FBXO25: variants seen among roughly 807,000 people sequenced by gnomAD.
FBXO25 encodes F-box protein 25.
FBXO25 carries 45 observed loss-of-function variants against 51.9 expected under a neutral mutation model. The observed-to-expected ratio is 0.87, with a 90% CI of 0.68 to 1.11. FBXO25 has a LOEUF of 1.11. Among genes scored for constraint, FBXO25 ranks in the 50% most tolerant of loss-of-function variants. The pLI is 0.00. For synonymous variants in FBXO25, 199 were observed against 151.0 expected (o/e 1.32, Z -2.33); for missense variants, 507 against 428.5 (o/e 1.18, Z -1.62).
At chr8:453,545 CTCAG>C (rs987077387) in intron 7 of FBXO25, among the ~76,000 whole-genome samples, 1 of 152,268 alleles carries the variant, frequency 6.6e-6, no homozygotes, top group East Asian at 1.9e-4. Context: ...AGATGCCGGA[CTCAG>C]TCAGCCAAAT....
rs1479390473 is a variant in FBXO25, at chr8:458,515, G to A, written c.807G>A (p.Trp269Ter). 1 of 1,614,174 alleles carries A rather than the reference G, an allele frequency of 6.2e-7. No homozygotes were observed. Among genetic ancestry groups the A allele is most frequent in the Admixed American group, 1.7e-5 (1 of 60,020 alleles). The change falls in exon 8 of 10, where the codon TGG (tryptophan) becomes TGA (stop). Residue 269 changes from tryptophan to a stop codon, truncating the protein, a stop_gained. Transcript: ENST00000350302. LOFTEE classifies it high-confidence loss of function. ...TGCTTAGTGAAGACAGACAGCTGTGGAAGAAGCTTTGTCAGTACCATTTTG... is the reference window on the plus strand; with the variant it reads ...TGCTTAGTGAAGACAGACAGCTGTGAAAGAAGCTTTGTCAGTACCATTTTG... ...LYMLSEDRQL[W>*]KKLCQYHFAE...
intron 2 of FBXO25, among the ~76,000 whole-genome samples, chr8:428,161 C>T (rs955039879): frequency 6.6e-6 from 1 of 152,010 alleles, no homozygotes; most frequent in African/African-American, 2.4e-5. Context: ...TCTTCCTTTT[C>T]TTGAATGGAA....
chr8:416,309 A>C (rs1248893615), intron 2 of FBXO25, among the ~76,000 whole-genome samples: 1 of 152,224 alleles, frequency 6.6e-6, no homozygotes, highest in Non-Finnish European at 1.5e-5. Context: ...TTTTCAAAAC[A>C]ACCGGATCTC....
At position 473,443 on chromosome 8, in the gene FBXO25, G is replaced by A. The variant is rs145159081; in HGVS notation, c.*4639G>A. On this transcript the variant is annotated 3_prime_UTR_variant, in exon 10 of 10. Transcript: ENST00000350302. The stretch of plus-strand genomic sequence containing the variant: ...CGCCCTCAGCATCTGTGAGATGAAG[G>A]AGTTGCTCCCCAGGGCACCTGCCCC... The A allele has an allele frequency of 6.6e-6, 1 of 152,318 alleles. No homozygotes were observed. The highest frequency in any genetic ancestry group is 1.9e-4 in the East Asian group (1 of 5,200). The allele number at this position is 152,318 out of a possible 1,614,324, so 9.4% of individuals were successfully genotyped here.
rs199702949 is a variant in FBXO25, at chr8:476,827, C to A, written c.*8023C>A. The A allele has an allele frequency of 7.0e-5, 7 of 99,840 alleles. No individual in the cohort carries two copies. Among genetic ancestry groups the A allele is most frequent in the African/African-American group, 3.2e-4 (5 of 15,432 alleles). The allele number at this position is 99,840 out of a possible 1,614,324, so 6.2% of individuals were successfully genotyped here. ...CTCTAATCTTTATTATTATTATAAT[C>A]ATCTCCATTCTGCTGGCTTTGGGTT... On this transcript the variant is annotated 3_prime_UTR_variant, in exon 10 of 10. Coordinates refer to ENST00000350302, the MANE Select transcript of FBXO25 (RefSeq NM_183420.2).
In FBXO25 at chr8:422,666, A is replaced by G. The variant is rs112476954; in HGVS notation, c.135-8675A>G. 2.0e-3 allele frequency among the ~76,000 whole-genome samples: 307 copies of G among 152,308 alleles called. 4 individuals are homozygous for G. The highest frequency in any genetic ancestry group is 7.0e-3 in the African/African-American group (289 of 41,562). On this transcript the variant is annotated intron_variant, in intron 2 of 9. Transcript: ENST00000350302. ...CTTGTGCAAGTCTAAAATCACCTTT[A>G]AAAGTCTTTTTAAGTCATCATTAAG... is the stretch of plus-strand genomic sequence containing the variant.
At position 470,502 on chromosome 8, in the gene FBXO25, C is replaced by T. The variant is rs1210762064; in HGVS notation, c.*1698C>T. The T allele has an allele frequency of 6.6e-6, 1 of 151,912 alleles. No homozygotes were observed. Among genetic ancestry groups the T allele is most frequent in the African/African-American group, 2.4e-5 (1 of 41,342 alleles). The allele number at this position is 151,912 out of a possible 1,614,324, so 9.4% of individuals were successfully genotyped here. On this transcript the variant is annotated 3_prime_UTR_variant, in exon 10 of 10. Coordinates refer to ENST00000350302, the MANE Select transcript of FBXO25 (RefSeq NM_183420.2). ...TCCAGTGATCCTCCCACCTCAGCCT[C>T]CCAAGCAGTCAGGACCACAGGCATA...
At chr8:439,306 G>C (rs1468983471) in intron 5 of FBXO25, among the ~76,000 whole-genome samples, 1 of 152,216 alleles carries the variant, frequency 6.6e-6, no homozygotes, top group Non-Finnish European at 1.5e-5. Context: ...AGGCTTGGGA[G>C]GTCCATGCAG....
intron 5 of FBXO25, among the ~76,000 whole-genome samples, chr8:449,075 G>A (rs1798911625): frequency 6.8e-6 from 1 of 146,410 alleles, no homozygotes; most frequent in African/African-American, 2.5e-5. Context: ...ATAACCTGAA[G>A]GCTGGTAAAA....
At chr8:462,469 TTAAC>T (rs1799876922) in intron 8 of FBXO25, among the ~76,000 whole-genome samples, 1 of 152,240 alleles carries the variant, frequency 6.6e-6, no homozygotes. Flanking sequence ...TTAAGTCTGT[TTAAC>T]AGCTGCTTGG....
intron 2 of FBXO25, among the ~76,000 whole-genome samples, chr8:419,810 G>T (rs1797040875): frequency 6.6e-6 from 1 of 152,006 alleles, no homozygotes; most frequent in Non-Finnish European, 1.5e-5. Context: ...TCTATAATTT[G>T]CATTTTATCA....
Position 459,439 on chromosome 8 carries a change from T to A in FBXO25, c.843+888T>A, listed in dbSNP as rs561584754. On this transcript the variant is annotated intron_variant, in intron 8 of 9. Coordinates refer to ENST00000350302, the MANE Select transcript of FBXO25 (RefSeq NM_183420.2). ...AAGCACGGCAGAGGCCGAGCTACACTAAGAATCCTTGTCTGTGTCCTGTGA... is the reference window on the plus strand; with the variant it reads ...AAGCACGGCAGAGGCCGAGCTACACAAAGAATCCTTGTCTGTGTCCTGTGA... Among the ~76,000 whole-genome samples the A allele has an allele frequency of 3.3e-5, 5 of 152,324 alleles. No individual in the cohort carries two copies. The East Asian group carries it at 5.8e-4, about 18-fold the overall frequency.
At position 453,803 on chromosome 8, in the gene FBXO25, T is replaced by C. The variant is rs376226135; in HGVS notation, c.660+2350T>C. Among the ~76,000 whole-genome samples, 4 of 152,266 alleles carry C rather than the reference T, an allele frequency of 2.6e-5. No individual in the cohort carries two copies. In the South Asian group the frequency reaches 6.2e-4, roughly 24 times the overall value. On this transcript the variant is annotated intron_variant, in intron 7 of 9. Coordinates refer to ENST00000350302, the MANE Select transcript of FBXO25 (RefSeq NM_183420.2). ...CAGTGAGCTGACAGTTGTCTTTGTC[T>C]TCTAGATTATCCCAACAAGAAATAC...
intron 2 of FBXO25, among the ~76,000 whole-genome samples, chr8:419,352 A>G (rs1797014337): frequency 6.6e-6 from 1 of 152,178 alleles, no homozygotes; most frequent in Admixed American, 6.5e-5. Context: ...CTGGGCAACA[A>G]GAGCAAAACT....
At chr8:419,979 C>T (rs1403085651) in intron 2 of FBXO25, among the ~76,000 whole-genome samples, 1 of 152,126 alleles carries the variant, frequency 6.6e-6, no homozygotes, top group South Asian at 2.1e-4. Flanking sequence ...CTTCACCAAA[C>T]AACTTGCATG....
intron 5 of FBXO25, among the ~76,000 whole-genome samples, chr8:445,735 G>C (rs7008517): frequency 0.017 from 2,546 of 152,254 alleles, 63 homozygotes; most frequent in African/African-American, 0.059. Flanking sequence ...ACCGGGCATG[G>C]TGGCATGCAC....
intron 6 of FBXO25, 45 bp from the exon 7 acceptor site, chr8:451,224 T>C (rs1799065229): frequency 1.3e-6 from 2 of 1,525,734 alleles, no homozygotes; most frequent in Non-Finnish European, 1.8e-6. Context: ...TTTTAAAGTG[T>C]TGCTTAACTG....
intron 5 of FBXO25, among the ~76,000 whole-genome samples, chr8:442,755 C>T (rs890609465): frequency 2.0e-5 from 3 of 152,146 alleles, no homozygotes; most frequent in Non-Finnish European, 2.9e-5. Flanking sequence ...CAGGCGTTAG[C>T]CACCCTGCCC....
intron 7 of FBXO25, among the ~76,000 whole-genome samples, chr8:453,357 G>T (rs967961809): frequency 5.3e-5 from 8 of 152,120 alleles, no homozygotes; most frequent in Non-Finnish European, 1.0e-4. Flanking sequence ...GGAGCACGCA[G>T]CTTGGCATGT....
Sources: allele counts gnomAD v4.1 joint callset (sites outside exome capture counted in the v4.1 genomes callset), GRCh38; gene constraint gnomAD v4.1.1; transcripts MANE v1.5; gene names NCBI Gene and HGNC (gene_info 2026-07-23, HGNC 2026-07-21).